Variants in MTUS2 observed in about 807,000 individuals in gnomAD.
MTUS2 encodes microtubule-associated tumor suppressor candidate 2.
Under a neutral mutation model 114.1 loss-of-function variants are expected in MTUS2, and 40 were observed. The ratio of observed to expected loss-of-function variants is 0.35; its 90% CI spans 0.27 to 0.46. The LOEUF is 0.46. MTUS2 is among the 20% of genes least tolerant of loss of function. MTUS2 has a pLI of 1.00. For missense variants in MTUS2, 1,679 were observed against 1,705.4 expected (o/e 0.98, Z 0.27); for synonymous variants, 688 against 672.0 (o/e 1.02, Z -0.37).
chr13:28,989,502 A>C (rs1884728543), intron 2 of MTUS2, among the ~76,000 whole-genome samples: 3 of 152,192 alleles, frequency 2.0e-5, no homozygotes. Flanking sequence ...TCTAAGAAGG[A>C]GGAGGTCGCA....
intron 9 of MTUS2, among the ~76,000 whole-genome samples, chr13:29,443,574 T>C (rs1323128314): frequency 2.6e-5 from 4 of 152,220 alleles, no homozygotes; most frequent in Non-Finnish European, 5.9e-5. Flanking sequence ...TCAGCCCAGC[T>C]TTCATCCCTG....
chr13:28,824,551 C>T (rs1874133644), intron 1 of MTUS2, among the ~76,000 whole-genome samples: 1 of 152,182 alleles, frequency 6.6e-6, no homozygotes, highest in Non-Finnish European at 1.5e-5. Flanking sequence ...CCCTTTAAAA[C>T]ACCCAGTCAC....
At chr13:29,246,389 A>T (rs919874762) in intron 5 of MTUS2, among the ~76,000 whole-genome samples, 1 of 152,214 alleles carries the variant, frequency 6.6e-6, no homozygotes, top group Non-Finnish European at 1.5e-5. Context: ...GAAGAGGCCC[A>T]TGGAGCTCCT....
chr13:29,036,155 AAGAAAG>A (rs1887059489), intron 4 of MTUS2, among the ~76,000 whole-genome samples: 1 of 131,938 alleles, frequency 7.6e-6, no homozygotes. Context: ...AAAAAAAAAA[AAGAAAG>A]AAAAATAAAA....
chr13:29,415,843 G>C (rs1258810308), intron 8 of MTUS2, among the ~76,000 whole-genome samples: 1 of 151,916 alleles, frequency 6.6e-6, no homozygotes, highest in Non-Finnish European at 1.5e-5. Flanking sequence ...TTGTTCTAGT[G>C]GTTATATTTG....
intron 5 of MTUS2, among the ~76,000 whole-genome samples, chr13:29,215,975 A>T (rs1029515704): frequency 9.2e-5 from 14 of 152,206 alleles, no homozygotes; most frequent in African/African-American, 3.4e-4. Context: ...AGGTGTGCCC[A>T]TAGCCGTCCT....
At chr13:29,452,632 C>T (rs559535768) in intron 9 of MTUS2, among the ~76,000 whole-genome samples, 3 of 148,620 alleles carry the variant, frequency 2.0e-5, no homozygotes, top group East Asian at 2.0e-4. Context: ...TTTGTAGAGA[C>T]AGGGTCTCAC....
At chr13:29,460,708 G>A (rs909068166) in intron 9 of MTUS2, among the ~76,000 whole-genome samples, 6 of 152,176 alleles carry the variant, frequency 3.9e-5, no homozygotes, top group Non-Finnish European at 5.9e-5. Flanking sequence ...CGAAGGACTT[G>A]ACCAGATGGG....
chr13:29,266,386 CTT>C (rs1208948044), intron 5 of MTUS2, among the ~76,000 whole-genome samples: 1 of 152,136 alleles, frequency 6.6e-6, no homozygotes, highest in East Asian at 1.9e-4. Context: ...GCCTTTCAAA[CTT>C]TATCAAACCC....
At chr13:29,184,114 G>A (rs556554564) in intron 5 of MTUS2, among the ~76,000 whole-genome samples, 2 of 152,216 alleles carry the variant, frequency 1.3e-5, no homozygotes, top group East Asian at 3.9e-4. Flanking sequence ...CAGGTATTGT[G>A]CATATCATTA....
intron 2 of MTUS2, among the ~76,000 whole-genome samples, chr13:28,912,446 A>T (rs1453538713): frequency 6.6e-6 from 1 of 152,210 alleles, no homozygotes; most frequent in African/African-American, 2.4e-5. Flanking sequence ...AGGTAGCGTG[A>T]TGCCTCCAGC....
intron 8 of MTUS2, among the ~76,000 whole-genome samples, chr13:29,419,368 GT>G: frequency 6.6e-6 from 1 of 152,278 alleles, no homozygotes; most frequent in African/African-American, 2.4e-5. Context: ...CAGAACAGAG[GT>G]GGAAAGACTG....
At chr13:29,205,476 G>A (rs369429638) in intron 5 of MTUS2, among the ~76,000 whole-genome samples, 2 of 151,628 alleles carry the variant, frequency 1.3e-5, no homozygotes, top group Admixed American at 1.3e-4. Flanking sequence ...AAGTTCTTTC[G>A]TTGTGATTTC....
intron 2 of MTUS2, among the ~76,000 whole-genome samples, chr13:28,899,471 G>A (rs1019924311): frequency 3.3e-5 from 5 of 151,944 alleles, no homozygotes; most frequent in East Asian, 1.9e-4. Flanking sequence ...GTGCAGTGGC[G>A]TGATCTCGGC....
rs1405425233 is a variant in MTUS2, at chr13:28,846,054, A to AT, written c.-243+6204_-243+6205insT. 8.3e-3 allele frequency among the ~76,000 whole-genome samples: 789 copies of AT among 94,736 alleles called. 3 individuals are homozygous for AT. The highest frequency in any genetic ancestry group is 0.013 in the Admixed American group (107 of 8,068). The allele number at this position is 94,736 out of a possible 152,430, so 62.2% of individuals were successfully genotyped here. On this transcript the variant is annotated intron_variant, in intron 2 of 15. Coordinates refer to ENST00000612955, the MANE Select transcript of MTUS2 (RefSeq NM_001033602.4). The stretch of plus-strand genomic sequence containing the variant: ...ATATGCAGTCTTTTTCTTAAAAAAA[A>AT]AATATATATATATATATATATTCCT...
intron 8 of MTUS2, among the ~76,000 whole-genome samples, chr13:29,397,279 C>G (rs1158800454): frequency 1.3e-5 from 2 of 152,210 alleles, no homozygotes; most frequent in African/African-American, 2.4e-5. Context: ...TCATGCCTCA[C>G]TCTCTACCAC....
chr13:28,845,663 T>TG (rs1291682305), intron 2 of MTUS2, among the ~76,000 whole-genome samples: 1 of 151,590 alleles, frequency 6.6e-6, no homozygotes, highest in African/African-American at 2.4e-5. Flanking sequence ...TTTGTTTGTT[T>TG]TTTTTTTTTA....
At chr13:29,339,999 G>A (rs12017975) in intron 7 of MTUS2, 24,477 of 152,426 alleles carry the variant, frequency 0.16, 2,479 homozygotes, top group Non-Finnish European at 0.23. Flanking sequence ...AGAAGTTTCC[G>A]AAGTCTGCGG....
chr13:29,246,086 TA>T (rs1407375535), intron 5 of MTUS2, among the ~76,000 whole-genome samples: 1 of 152,206 alleles, frequency 6.6e-6, no homozygotes, highest in Admixed American at 6.5e-5. Flanking sequence ...AAATCCTTTG[TA>T]AAATATGTAT....
Sources: allele counts gnomAD v4.1 joint callset (sites outside exome capture counted in the v4.1 genomes callset), GRCh38; gene constraint gnomAD v4.1.1; transcripts MANE v1.5; gene names NCBI Gene and HGNC (gene_info 2026-07-23, HGNC 2026-07-21).